ACSS3: variants seen among roughly 807,000 people sequenced by gnomAD.
ACSS3 encodes acyl-CoA synthetase short chain family member 3, also known as acyl-CoA synthetase short-chain family member 3, mitochondrial.
A neutral mutation model predicts 84.2 loss-of-function variants in ACSS3; 64 were observed. That is an observed-to-expected ratio of 0.76 (90% confidence interval 0.62 to 0.94). The LOEUF is 0.94. Among genes scored for constraint, ACSS3 ranks in the 40% least tolerant of loss-of-function variants. The probability of loss-of-function intolerance (pLI) is 0.00; values close to 1 mark genes in which losing one functional copy is unlikely to be tolerated. For missense variants in ACSS3, 815 were observed against 867.6 expected (o/e 0.94, Z 0.76); for synonymous variants, 317 against 310.1 (o/e 1.02, Z -0.23).
chr12:81,083,184 A>G lies in ACSS3; in HGVS notation c.311+4753A>G, dbSNP rs183036209. On this transcript the variant is annotated intron_variant, in intron 1 of 15. Transcript: ENST00000548058. Reference sequence around the variant, plus strand: ...CAGAAAATAGTTTCAGCCTGCTTTTAAAAGGCTTGGAGTAGCAAGCTAAGG... The same window carrying G: ...CAGAAAATAGTTTCAGCCTGCTTTTGAAAGGCTTGGAGTAGCAAGCTAAGG... 1.9e-4 allele frequency among the ~76,000 whole-genome samples: 29 copies of G among 152,298 alleles called. No individual in the cohort carries two copies. In the East Asian group the frequency reaches 5.0e-3, roughly 26 times the overall value.
intron 13 of ACSS3, among the ~76,000 whole-genome samples, chr12:81,251,784 A>G (rs1233650140): frequency 5.9e-5 from 9 of 152,076 alleles, no homozygotes; most frequent in Non-Finnish European, 1.3e-4. Context: ...TTGAGGTTGC[A>G]GTGATCTATG....
chr12:81,124,385 A>T (rs1343652576), intron 2 of ACSS3: 4 of 152,140 alleles, frequency 2.6e-5, no homozygotes, highest in Non-Finnish European at 4.4e-5. Flanking sequence ...TTAACCACAC[A>T]ACTCGTCTCT....
chr12:81,241,788 C>T (rs1241227389), intron 13 of ACSS3, among the ~76,000 whole-genome samples: 3 of 151,948 alleles, frequency 2.0e-5, no homozygotes, highest in Non-Finnish European at 4.4e-5. Context: ...TTGTGGGTTG[C>T]CTGTTCACTC....
At chr12:81,109,199 A>G (rs1350651913) in intron 1 of ACSS3, among the ~76,000 whole-genome samples, 1 of 152,152 alleles carries the variant, frequency 6.6e-6, no homozygotes, top group Non-Finnish European at 1.5e-5. Context: ...CCCTTTCACA[A>G]TCCCCAATGC....
At position 81,258,435 on chromosome 12, in the gene ACSS3, G is replaced by C. The variant is rs1256893140; in HGVS notation, c.*3513G>C. On this transcript the variant is annotated 3_prime_UTR_variant, in exon 16 of 16. Coordinates refer to ENST00000548058, the MANE Select transcript of ACSS3 (RefSeq NM_024560.4). The stretch of plus-strand genomic sequence containing the variant: ...TAATGACAGGTCTTGCGCTTAATAA[G>C]ATCAAGCAGCAGAAAATCAGCAGTT... 1.3e-5 allele frequency: 2 copies of C among 152,014 alleles called. No homozygotes were observed. The highest frequency in any genetic ancestry group is 2.9e-5 in the Non-Finnish European group (2 of 67,980). 9.4% of individuals were successfully genotyped at this position (152,014 alleles called of 1,614,324 possible). A position where few individuals can be genotyped will look rare whatever the true frequency, so the allele number is the denominator to read the frequency against.
intron 7 of ACSS3, among the ~76,000 whole-genome samples, chr12:81,173,650 G>A (rs959473069): frequency 2.6e-5 from 4 of 152,006 alleles, no homozygotes; most frequent in African/African-American, 7.3e-5. Context: ...TAACTGTCAT[G>A]ATATCATCAT....
chr12:81,088,949 C>T (rs933152614), intron 1 of ACSS3, among the ~76,000 whole-genome samples: 1 of 151,790 alleles, frequency 6.6e-6, no homozygotes, highest in Non-Finnish European at 1.5e-5. Context: ...TTGTGTATGA[C>T]AGTCCTAAAG....
intron 1 of ACSS3, among the ~76,000 whole-genome samples, chr12:81,109,031 A>T (rs1883333346): frequency 6.6e-6 from 1 of 152,234 alleles, no homozygotes; most frequent in African/African-American, 2.4e-5. Context: ...CATTTCAAAC[A>T]TGCAGAAAAG....
At chr12:81,125,973 T>C (rs1340061639) in intron 2 of ACSS3, 1 of 152,222 alleles carries the variant, frequency 6.6e-6, no homozygotes, top group Admixed American at 6.5e-5. Context: ...GTTTATGCAA[T>C]AATCATTACA....
chr12:81,173,021 C>A (rs2030197501), intron 7 of ACSS3, among the ~76,000 whole-genome samples: 1 of 152,152 alleles, frequency 6.6e-6, no homozygotes, highest in African/African-American at 2.4e-5. Flanking sequence ...TAAATGGAAG[C>A]ATAGACAGGG....
intron 7 of ACSS3, among the ~76,000 whole-genome samples, chr12:81,167,141 G>A (rs1010603132): frequency 2.0e-5 from 3 of 152,202 alleles, no homozygotes; most frequent in African/African-American, 4.8e-5. Flanking sequence ...TGCAGAATTA[G>A]CAGTTTCCAT....
intron 8 of ACSS3, among the ~76,000 whole-genome samples, chr12:81,190,702 T>G (rs146849664): frequency 0.021 from 3,177 of 152,158 alleles, 54 homozygotes; most frequent in Middle Eastern, 0.12. Context: ...GCTTTCAATA[T>G]TCATTATTAA....
chr12:81,124,309 G>A (rs1480521587), intron 2 of ACSS3: 2 of 152,142 alleles, frequency 1.3e-5, no homozygotes, highest in African/African-American at 4.8e-5. Context: ...TTTTGATGGT[G>A]TGTAGTCCCT....
intron 10 of ACSS3, among the ~76,000 whole-genome samples, chr12:81,217,945 C>T (rs35077542): frequency 0.02 from 3,001 of 152,098 alleles, 56 homozygotes; most frequent in South Asian, 0.033. Context: ...GCTATAATAT[C>T]CTGTCAATTT....
Position 81,258,701 on chromosome 12 carries a change from G to C in ACSS3, c.*3779G>C, listed in dbSNP as rs1441000364. ...AACATTAGACATGAGTCTGGCTAAT[G>C]CCCTGTTACATTGACAAAAGGGAAA... is the stretch of plus-strand genomic sequence containing the variant. On this transcript the variant is annotated 3_prime_UTR_variant, in exon 16 of 16. Transcript: ENST00000548058. 1 of 152,034 alleles carries C rather than the reference G, an allele frequency of 6.6e-6. No individual in the cohort carries two copies. Among genetic ancestry groups the C allele is most frequent in the Non-Finnish European group, 1.5e-5 (1 of 68,020 alleles). 9.4% of individuals were successfully genotyped at this position (152,034 alleles called of 1,614,324 possible). A position where few individuals can be genotyped will look rare whatever the true frequency, so the allele number is the denominator to read the frequency against.
rs1346073243 is a variant in ACSS3, at chr12:81,110,233, C to T, written c.456+529C>T. ...TGAAATCTGGTCATAACATTCCTTCCAAGCTTCATTTTCCAAAATTCTTGA... is the reference window on the plus strand; with the variant it reads ...TGAAATCTGGTCATAACATTCCTTCTAAGCTTCATTTTCCAAAATTCTTGA... On this transcript the variant is annotated intron_variant, in intron 2 of 15. Transcript: ENST00000548058. Among the ~76,000 whole-genome samples, 4 of 152,156 alleles carry T rather than the reference C, an allele frequency of 2.6e-5. No homozygotes were observed. The East Asian group carries it at 5.8e-4, about 22-fold the overall frequency.
chr12:81,151,962 C>T (rs199708538), intron 6 of ACSS3, 38 bp downstream of exon 6: 1 of 1,612,236 alleles, frequency 6.2e-7, no homozygotes, highest in East Asian at 2.2e-5. Context: ...ATGACATTCT[C>T]TGAATAAAAT....
intron 15 of ACSS3, among the ~76,000 whole-genome samples, 170 bp downstream of exon 15, chr12:81,253,840 T>C (rs959615141): frequency 2.0e-5 from 3 of 152,126 alleles, no homozygotes; most frequent in African/African-American, 7.2e-5. Flanking sequence ...ATTCCTTCTG[T>C]AGGAATGAAG....
intron 1 of ACSS3, among the ~76,000 whole-genome samples, chr12:81,107,028 A>T (rs2121485653): frequency 6.6e-6 from 1 of 152,174 alleles, no homozygotes; most frequent in Non-Finnish European, 1.5e-5. Context: ...TGAAATGAGT[A>T]TAATTTTAGA....
Sources: allele counts gnomAD v4.1 joint callset (sites outside exome capture counted in the v4.1 genomes callset), GRCh38; gene constraint gnomAD v4.1.1; transcripts MANE v1.5; gene names NCBI Gene and HGNC (gene_info 2026-07-23, HGNC 2026-07-21).